The following VSIG1 variants were observed in gnomAD, a reference collection of about 807,000 sequenced individuals.
VSIG1 encodes the protein V-set and immunoglobulin domain containing 1.
A neutral mutation model predicts 20.1 loss-of-function variants in VSIG1; 11 were observed. That is an observed-to-expected ratio of 0.55 (90% CI 0.34 to 0.91). The LOEUF is 0.91. Among genes scored for constraint, VSIG1 ranks in the 40% least tolerant of loss-of-function variants. The pLI is 0.02. For synonymous variants in VSIG1, 126 were observed against 116.7 expected (o/e 1.08, Z -0.52); for missense variants, 283 against 298.8 (o/e 0.95, Z 0.39).
Position 108,069,154 on chromosome X carries a change from A to G in VSIG1, c.412+2020A>G, listed in dbSNP as rs1358986862. Among the ~76,000 whole-genome samples, 3 of 111,186 alleles carry G rather than the reference A, an allele frequency of 2.7e-5. No homozygotes were observed. The Admixed American group carries it at 2.9e-4, about 11-fold the overall frequency. On this transcript the variant is annotated intron_variant, in intron 3 of 6. Transcript: ENST00000217957. ...GAGATAAAGTTAGACAAGAAGGTTAATATTCTTAAATTTAAAGCTCAGAGG... is the reference window on the plus strand; with the variant it reads ...GAGATAAAGTTAGACAAGAAGGTTAGTATTCTTAAATTTAAAGCTCAGAGG...
At chrX:108,044,298 G>A (rs1184698795), upstream of VSIG1, among the ~76,000 whole-genome samples, 3 of 111,644 alleles carry the variant, frequency 2.7e-5, no homozygotes, top group Non-Finnish European at 3.8e-5. Flanking sequence ...TCCCATGAAA[G>A]TTCCTTACCT....
At chrX:108,063,513 G>A (rs756411821) in intron 2 of VSIG1, among the ~76,000 whole-genome samples, 1 of 111,295 alleles carries the variant, frequency 9.0e-6, no homozygotes, top group Admixed American at 9.5e-5. Context: ...TTGTTTGTTT[G>A]TTTCAACAGT....
intron 2 of VSIG1, among the ~76,000 whole-genome samples, chrX:108,062,680 A>G (rs1283650281): frequency 8.9e-6 from 1 of 111,770 alleles, no homozygotes; most frequent in Non-Finnish European, 1.9e-5. Context: ...TTGGTATCCC[A>G]TTCCTTCCAC....
the VSIG1 span, among the ~76,000 whole-genome samples, chrX:108,038,810 G>C: frequency 1.8e-5 from 2 of 111,952 alleles, no homozygotes; most frequent in African/African-American, 6.5e-5. Context: ...GTGTGGGTAA[G>C]ACAGATCATT....
chrX:108,058,918 T>C (rs1462913500), intron 2 of VSIG1, among the ~76,000 whole-genome samples: 1 of 108,354 alleles, frequency 9.2e-6, no homozygotes, highest in Non-Finnish European at 1.9e-5. Context: ...AATTGTATAC[T>C]CAAAGGTGTG....
chrX:108,053,150 A>G (rs1488560781), intron 1 of VSIG1, among the ~76,000 whole-genome samples: 3 of 112,190 alleles, frequency 2.7e-5, no homozygotes, highest in Non-Finnish European at 5.6e-5. Context: ...AAAATAGCTA[A>G]AGGGATTTCT....
At chrX:108,049,400 A>G (rs754964678) in intron 1 of VSIG1, among the ~76,000 whole-genome samples, 3 of 112,145 alleles carry the variant, frequency 2.7e-5, no homozygotes, top group Non-Finnish European at 3.8e-5. Flanking sequence ...TGTCATGTTC[A>G]TTCTTGTTTC....
the VSIG1 span, among the ~76,000 whole-genome samples, chrX:108,026,962 T>A: frequency 1.8e-5 from 2 of 111,762 alleles, no homozygotes; most frequent in African/African-American, 6.5e-5. Context: ...GCAATGCAAA[T>A]CAAAACCACA....
chrX:108,039,417 A>G, the VSIG1 span, among the ~76,000 whole-genome samples: 1 of 109,986 alleles, frequency 9.1e-6, no homozygotes. Context: ...CTGTTCTCGA[A>G]CTCCTGACCT....
the VSIG1 span, among the ~76,000 whole-genome samples, chrX:108,019,763 G>C: frequency 0.35 from 39,109 of 110,916 alleles, 5,410 homozygotes; most frequent in Non-Finnish European, 0.42. Flanking sequence ...TTAGAACTTG[G>C]GGGTTTGTGG....
intron 2 of VSIG1, among the ~76,000 whole-genome samples, chrX:108,060,359 C>T (rs975162025): frequency 3.6e-5 from 4 of 111,036 alleles, no homozygotes; most frequent in Non-Finnish European, 3.8e-5. Context: ...ACCTGTGTTA[C>T]GCCTGTGCCT....
chrX:108,072,951 C>A (rs190124244), intron 4 of VSIG1, 119 bp downstream of exon 4: 2 of 774,972 alleles, frequency 2.6e-6, no homozygotes, highest in South Asian at 5.7e-5. Flanking sequence ...TCAGTGGTGG[C>A]GGGTGGAGGG....
At position 108,058,038 on chromosome X, in the gene VSIG1, G is replaced by A. The variant is rs1407234144; in HGVS notation, c.50G>A (p.Gly17Asp). Residue 17 changes from glycine (G) to aspartate (D), a missense_variant and splice_region_variant, in exon 2 of 7, where the codon GGT becomes GAT. Transcript: ENST00000217957. ...GATTTTTTTATGATTATCTTTTCAGGTCAGGTTAGTGTGGTGCAAGTGACC... is the reference window on the plus strand; with the variant it reads ...GATTTTTTTATGATTATCTTTTCAGATCAGGTTAGTGTGGTGCAAGTGACC... ...KVFLILSCLA[G>D]QVSVVQVTIP... 3 of 1,198,356 alleles carry A rather than the reference G, an allele frequency of 2.5e-6. No individual in the cohort carries two copies. The highest frequency in any genetic ancestry group is 6.0e-5 in the East Asian group (2 of 33,491).
chrX:108,056,942 A>C (rs558395835), intron 1 of VSIG1, among the ~76,000 whole-genome samples: 11 of 112,417 alleles, frequency 9.8e-5, no homozygotes, highest in African/African-American at 3.2e-4. Context: ...CTGTACCTGA[A>C]TGTTCACTGG....
At position 108,058,923 on chromosome X, in the gene VSIG1, GGTGT is replaced by G. The variant is rs35330502; in HGVS notation, c.213+746_213+749del. On this transcript the variant is annotated intron_variant, in intron 2 of 6. Transcript: ENST00000217957. ...CAAAGATTCAAATTGTATACTCAAA[GGTGT>G]GTGTGTGTGTGTGTGTGTGTGTGCG... is the stretch of plus-strand genomic sequence containing the variant. Among the ~76,000 whole-genome samples, 412 of 105,679 alleles carry G rather than the reference GGTGT, an allele frequency of 3.9e-3. 2 individuals carry two copies. The highest frequency in any genetic ancestry group is 8.4e-3 in the African/African-American group (245 of 29,242). 91.8% of individuals were successfully genotyped at this position (105,679 alleles called of 115,157 possible). A position where few individuals can be genotyped will look rare whatever the true frequency, so the allele number is the denominator to read the frequency against.
At chrX:108,047,961 C>T (rs6622288) in intron 1 of VSIG1, among the ~76,000 whole-genome samples, 5,940 of 19,732 alleles carry the variant, frequency 0.3, 1,027 homozygotes, top group East Asian at 0.54. Flanking sequence ...TATACACACA[C>T]ATATATATAT....
intron 6 of VSIG1, among the ~76,000 whole-genome samples, 191 bp from the exon 7 acceptor site, chrX:108,076,857 T>C (rs1034390920): frequency 3.6e-5 from 4 of 112,342 alleles, no homozygotes; most frequent in African/African-American, 9.7e-5. Flanking sequence ...ACTTTCATGA[T>C]ATTGTTGAGA....
At chrX:108,025,516 A>G in the VSIG1 span, among the ~76,000 whole-genome samples, 5 of 112,341 alleles carry the variant, frequency 4.5e-5, no homozygotes, top group East Asian at 1.4e-3. Context: ...TTGAACTAGT[A>G]AAGATTCATA....
chrX:108,029,757 T>C, the VSIG1 span, among the ~76,000 whole-genome samples: 1 of 111,665 alleles, frequency 9.0e-6, no homozygotes, highest in Non-Finnish European at 1.9e-5. Flanking sequence ...GGCTTTTCCA[T>C]ATCCAGAAAG....
Sources: gnomAD v4.1 joint callset for allele counts (sites outside exome capture counted in the v4.1 genomes callset) on GRCh38, gnomAD v4.1.1 for gene constraint, MANE v1.5 for transcripts, NCBI Gene and HGNC (gene_info 2026-07-23, HGNC 2026-07-21) for gene names.